The following STK31 variants were observed in gnomAD, a reference collection of about 807,000 sequenced individuals.
STK31 encodes the protein serine/threonine-protein kinase 31.
Under a neutral mutation model 129.7 loss-of-function variants are expected in STK31, and 89 were observed. That is an observed-to-expected ratio of 0.69 (90% confidence interval 0.58 to 0.82). The LOEUF (loss-of-function observed/expected upper bound fraction) is 0.82, where lower values mean the gene tolerates loss of function less well. Ranked by LOEUF, STK31 falls within the 40% of genes least tolerant of loss-of-function variation. STK31 has a pLI of 0.00. For synonymous variants in STK31, 448 were observed against 395.3 expected, an observed-to-expected ratio of 1.13 and a Z score of -1.58; for missense variants, 1,187 against 1,176.4, an observed-to-expected ratio of 1.01 and a Z score of -0.13.
intron 10 of STK31, among the ~76,000 whole-genome samples, chr7:23,760,864 C>T (rs1008996459): frequency 6.6e-6 from 1 of 152,030 alleles, no homozygotes; most frequent in Non-Finnish European, 1.5e-5. Flanking sequence ...CGGGGTTTTA[C>T]CATGTTGTCC....
chr7:23,808,802 A>G (rs1251777861), intron 22 of STK31, among the ~76,000 whole-genome samples: 1 of 150,924 alleles, frequency 6.6e-6, no homozygotes, highest in Non-Finnish European at 1.5e-5. Context: ...AGCACTACTA[A>G]TACTACGGAT....
rs556877976 is a variant in STK31, at chr7:23,754,526, A to C, written c.1293+52A>C. Reference sequence around the variant, plus strand: ...GGTTTTTATCTGTTGAACATAAGGAAGTGTTTTTTTAATTTCTTCTAAAAA... The same window carrying C: ...GGTTTTTATCTGTTGAACATAAGGACGTGTTTTTTTAATTTCTTCTAAAAA... On this transcript the variant is annotated intron_variant, in intron 10 of 23. Coordinates refer to ENST00000355870, the MANE Select transcript of STK31 (RefSeq NM_031414.5). 3 of 1,510,358 alleles carry C rather than the reference A, an allele frequency of 2.0e-6. No homozygotes were observed. In the Admixed American group the frequency reaches 6.7e-5, roughly 34 times the overall value. 93.6% of individuals were successfully genotyped at this position (1,510,358 alleles called of 1,614,324 possible).
At chr7:23,805,517 C>T (rs1259180602) in intron 22 of STK31, among the ~76,000 whole-genome samples, 1 of 151,914 alleles carries the variant, frequency 6.6e-6, no homozygotes, top group Non-Finnish European at 1.5e-5. Flanking sequence ...TGGAGTTTTG[C>T]TCTGTCACCT....
At chr7:23,799,209 C>G (rs886615274) in intron 22 of STK31, among the ~76,000 whole-genome samples, 33 of 152,170 alleles carry the variant, frequency 2.2e-4, no homozygotes, top group African/African-American at 7.7e-4. Flanking sequence ...CATCAAGCCA[C>G]CATTAACTTT....
chr7:23,819,697 TAA>T (rs914175893), intron 23 of STK31, among the ~76,000 whole-genome samples: 2 of 120,950 alleles, frequency 1.7e-5, no homozygotes, highest in African/African-American at 5.7e-5. Context: ...GACCAGCAGT[TAA>T]ACAGATTATT....
intron 15 of STK31, among the ~76,000 whole-genome samples, chr7:23,775,453 A>T (rs948759994): frequency 6.6e-6 from 1 of 152,112 alleles, no homozygotes; most frequent in African/African-American, 2.4e-5. Flanking sequence ...CATTCTTCCT[A>T]TCCATGAGCA....
Position 23,790,919 on chromosome 7 carries a change from A to T in STK31, c.2733A>T (p.Leu911Phe). The change falls in exon 22 of 24, where the codon TTA becomes TTT. Residue 911 changes from leucine to phenylalanine, a missense_variant. By Grantham distance (22) the Leu-to-Phe change is conservative. Transcript: ENST00000355870. ...MGKPASPGSD[L>F]YAYGCLLLWL... Reference sequence around the variant, plus strand: ...AACCTGCTTCTCCAGGTTCAGACTTATATGCTTATGGCTGCCTCTTATTAT... The same window carrying T: ...AACCTGCTTCTCCAGGTTCAGACTTTTATGCTTATGGCTGCCTCTTATTAT... 1.2e-6 allele frequency: 2 copies of T among 1,602,008 alleles called. No individual in the cohort carries two copies. Among genetic ancestry groups the T allele is most frequent in the Non-Finnish European group, 8.5e-7 (1 of 1,175,416 alleles).
chr7:23,804,988 C>G (rs749482594), intron 22 of STK31, among the ~76,000 whole-genome samples: 17 of 152,114 alleles, frequency 1.1e-4, no homozygotes, highest in Non-Finnish European at 1.6e-4. Flanking sequence ...TACTCCTGTT[C>G]TTCTGTTTAG....
chr7:23,734,317 C>T (rs1215631916), intron 6 of STK31, among the ~76,000 whole-genome samples: 1 of 152,168 alleles, frequency 6.6e-6, no homozygotes, highest in African/African-American at 2.4e-5. Flanking sequence ...TGAGCTGTAC[C>T]TACCCATTTT....
At chr7:23,730,878 A>ATATATATATATATT in intron 6 of STK31, among the ~76,000 whole-genome samples, 24 of 59,534 alleles carry the variant, frequency 4.0e-4, no homozygotes, top group South Asian at 8.2e-4. Context: ...ATATATATAT[A>ATATATATATATATT]TTTTTTTTTT....
chr7:23,727,298 A>G lies in STK31; in HGVS notation c.307A>G (p.Ile103Val). Residue 103 changes from isoleucine (I) to valine (V), a missense_variant, in exon 5 of 24, where the codon ATC (isoleucine) becomes GTC (valine). Coordinates refer to ENST00000355870, the MANE Select transcript of STK31 (RefSeq NM_031414.5). ...TTGGTACAGATGCAAAGTACTGAAA[A>G]TCATCAGCGTTGAAAAGGCAGGAAA... Reference protein sequence around the residue: ...QCWYRCKVLKIISVEKCLVRY... With the variant: ...QCWYRCKVLKVISVEKCLVRY... 1 of 1,613,584 alleles carries G rather than the reference A, an allele frequency of 6.2e-7. No homozygotes were observed. Among genetic ancestry groups the G allele is most frequent in the Admixed American group, 1.7e-5 (1 of 60,004 alleles).
At chr7:23,746,346 G>T (rs985111165) in intron 8 of STK31, among the ~76,000 whole-genome samples, 3 of 152,172 alleles carry the variant, frequency 2.0e-5, no homozygotes, top group Non-Finnish European at 4.4e-5. Flanking sequence ...CCCCTTCTAT[G>T]CATTGAGGAG....
intron 10 of STK31, chr7:23,755,132 C>G (rs1397755978): frequency 6.6e-6 from 1 of 152,148 alleles, no homozygotes; most frequent in African/African-American, 2.4e-5. Flanking sequence ...TGAAAGTGTT[C>G]CTGTTTCTCC....
At chr7:23,728,826 C>T (rs1051551767) in intron 5 of STK31, among the ~76,000 whole-genome samples, 1 of 151,894 alleles carries the variant, frequency 6.6e-6, no homozygotes. Context: ...TATCAATTGT[C>T]TAAAAACAAA....
At chr7:23,773,571 C>T (rs1036029633) in intron 15 of STK31, among the ~76,000 whole-genome samples, 7 of 152,060 alleles carry the variant, frequency 4.6e-5, no homozygotes, top group South Asian at 2.1e-4. Context: ...AATGGTATTG[C>T]TGGGTCAAAT....
At chr7:23,828,445 G>A (rs1346597783) in intron 23 of STK31, among the ~76,000 whole-genome samples, 1 of 152,262 alleles carries the variant, frequency 6.6e-6, no homozygotes, top group Non-Finnish European at 1.5e-5. Flanking sequence ...CATTGGAAAA[G>A]CGCAGTATTA....
At chr7:23,753,743 AT>A (rs1444577318) in intron 9 of STK31, among the ~76,000 whole-genome samples, 12 of 152,246 alleles carry the variant, frequency 7.9e-5, no homozygotes, top group South Asian at 6.2e-4. Flanking sequence ...TGGGTAAATA[AT>A]TATCTTTGTT....
intron 4 of STK31, among the ~76,000 whole-genome samples, chr7:23,719,992 C>A (rs1447363010): frequency 6.6e-6 from 1 of 152,056 alleles, no homozygotes; most frequent in Non-Finnish European, 1.5e-5. Flanking sequence ...AAATATGTTA[C>A]ATTGTACACC....
chr7:23,769,694 A>G lies in STK31; in HGVS notation c.1651A>G (p.Ile551Val). ...GATTTCAGAAGACGCAATGGATAAT[A>G]TTGATGAAATCCTAGAGAAGACTGA... ...SLISEDAMDN[I>V]DEILEKTESS... The change falls in exon 13 of 24, where the codon ATT (isoleucine) becomes GTT (valine). Residue 551 changes from isoleucine (I) to valine (V), a missense_variant. Around this residue, in one of 5 missense-constraint regions of STK31, gnomAD observed 975 missense variants for 934.9 expected, o/e 1.04. Coordinates refer to ENST00000355870, the MANE Select transcript of STK31 (RefSeq NM_031414.5). The G allele has an allele frequency of 6.2e-7, 1 of 1,611,644 alleles. No individual in the cohort carries two copies. The highest frequency in any genetic ancestry group is 1.1e-5 in the South Asian group (1 of 90,554).
Sources: allele counts gnomAD v4.1 joint callset (sites outside exome capture counted in the v4.1 genomes callset), GRCh38; gene constraint gnomAD v4.1.1; regional missense constraint gnomAD v4.1.1; transcripts MANE v1.5; gene names NCBI Gene and HGNC (gene_info 2026-07-23, HGNC 2026-07-21).